Variants in ANO2 observed in about 807,000 individuals in gnomAD.
The protein encoded by ANO2 is anoctamin 2, also known as anoctamin-2.
A neutral mutation model predicts 124.2 loss-of-function variants in ANO2; 101 were observed. The observed-to-expected ratio is 0.81, with a 90% CI of 0.69 to 0.96. ANO2 has a LOEUF of 0.96. Among genes scored for constraint, ANO2 ranks in the 40% least tolerant of loss-of-function variants. ANO2 has a pLI of 0.00. For missense variants in ANO2, 1,293 were observed against 1,274.5 expected (o/e 1.01, Z -0.22); for synonymous variants, 486 against 482.5 (o/e 1.01, Z -0.09).
At chr12:5,909,616 T>C (rs1257207809) in intron 3 of ANO2, among the ~76,000 whole-genome samples, 24 of 152,208 alleles carry the variant, frequency 1.6e-4, no homozygotes, top group Admixed American at 1.6e-3. Context: ...CTAAACAACA[T>C]GCTTCCAAAG....
intron 16 of ANO2, among the ~76,000 whole-genome samples, chr12:5,632,685 C>T (rs1014733417): frequency 6.6e-6 from 1 of 152,080 alleles, no homozygotes; most frequent in Non-Finnish European, 1.5e-5. Context: ...GTTAAGGCCC[C>T]GCCTTGCATA....
At chr12:5,683,550 C>G (rs117947541) in intron 14 of ANO2, among the ~76,000 whole-genome samples, 1,702 of 152,172 alleles carry the variant, frequency 0.011, 14 homozygotes, top group Middle Eastern at 0.024. Context: ...CCACATACAC[C>G]GTATTTTTCT....
At chr12:5,892,079 A>G (rs891748360) in intron 3 of ANO2, among the ~76,000 whole-genome samples, 1 of 152,090 alleles carries the variant, frequency 6.6e-6, no homozygotes, top group Non-Finnish European at 1.5e-5. Flanking sequence ...AAAAAAAAAT[A>G]GAAGACATAA....
chr12:5,817,626 C>T (rs1953653208), intron 7 of ANO2, among the ~76,000 whole-genome samples: 1 of 152,034 alleles, frequency 6.6e-6, no homozygotes, highest in Non-Finnish European at 1.5e-5. Flanking sequence ...ACAGGCAGGA[C>T]ATTCAGGAAA....
intron 1 of ANO2, among the ~76,000 whole-genome samples, chr12:5,924,922 A>G (rs184724716): frequency 2.4e-4 from 37 of 152,270 alleles, no homozygotes; most frequent in African/African-American, 8.4e-4. Flanking sequence ...CCTGTCTCAG[A>G]TATTTTTTGG....
chr12:5,778,456 A>C (rs1952293387), intron 10 of ANO2, among the ~76,000 whole-genome samples: 1 of 152,242 alleles, frequency 6.6e-6, no homozygotes, highest in African/African-American at 2.4e-5. Context: ...AAATGAAAGA[A>C]TAAATGAACA....
intron 7 of ANO2, among the ~76,000 whole-genome samples, chr12:5,820,242 C>T (rs1315174021): frequency 3.9e-5 from 6 of 152,254 alleles, no homozygotes; most frequent in African/African-American, 1.4e-4. Flanking sequence ...AAGGAGACCT[C>T]CAGCCTTTTA....
At chr12:5,896,663 G>C (rs929803238) in intron 3 of ANO2, among the ~76,000 whole-genome samples, 10 of 152,278 alleles carry the variant, frequency 6.6e-5, no homozygotes, top group Middle Eastern at 3.4e-3. Flanking sequence ...TAAATTTACA[G>C]AAATAATTTT....
chr12:5,861,581 C>T (rs1408517147), intron 3 of ANO2, among the ~76,000 whole-genome samples: 2 of 152,156 alleles, frequency 1.3e-5, no homozygotes, highest in East Asian at 3.9e-4. Context: ...CACAGCCCTG[C>T]CAAGCCACCT....
chr12:5,652,642 G>A (rs762810966), intron 14 of ANO2, among the ~76,000 whole-genome samples: 4 of 152,002 alleles, frequency 2.6e-5, no homozygotes, highest in Non-Finnish European at 5.9e-5. Flanking sequence ...TACTGGTCAA[G>A]TATTTTGTAG....
At chr12:5,858,312 CTAAAAG>C (rs757643732) in intron 3 of ANO2, among the ~76,000 whole-genome samples, 47 of 152,054 alleles carry the variant, frequency 3.1e-4, no homozygotes, top group Non-Finnish European at 5.9e-4. Context: ...GTTACATCAA[CTAAAAG>C]TAAAAGGAAA....
At chr12:5,915,880 C>A (rs1455254661) in intron 3 of ANO2, among the ~76,000 whole-genome samples, 1 of 152,218 alleles carries the variant, frequency 6.6e-6, no homozygotes, top group Non-Finnish European at 1.5e-5. Context: ...CATTCTCGAT[C>A]CTTTTTTTCA....
intron 14 of ANO2, 130 bp from the exon 15 acceptor site, chr12:5,647,931 GCCTTA>G (rs1325966927): frequency 1.1e-5 from 8 of 706,450 alleles, no homozygotes; most frequent in African/African-American, 1.1e-4. Flanking sequence ...AGTCACTGAT[GCCTTA>G]CTCTCCATAT....
chr12:5,878,967 A>G (rs1239372399), intron 3 of ANO2, among the ~76,000 whole-genome samples: 1 of 152,218 alleles, frequency 6.6e-6, no homozygotes, highest in Non-Finnish European at 1.5e-5. Context: ...ATTTGGTTTG[A>G]AGAAAGAAAG....
intron 3 of ANO2, among the ~76,000 whole-genome samples, chr12:5,874,598 T>G (rs1223112176): frequency 6.6e-6 from 1 of 152,208 alleles, no homozygotes; most frequent in Non-Finnish European, 1.5e-5. Context: ...ACCTCTGGGC[T>G]CTCAGCTCTC....
At chr12:5,844,857 G>GT (rs1405186563) in intron 4 of ANO2, among the ~76,000 whole-genome samples, 8 of 151,116 alleles carry the variant, frequency 5.3e-5, no homozygotes, top group African/African-American at 2.4e-5. Flanking sequence ...TTGTTTGTTT[G>GT]TTTGTTTGTT....
Position 5,939,924 on chromosome 12 carries a change from G to A in ANO2, c.22+5272C>T, listed in dbSNP as rs1350746745. On this transcript the variant is annotated intron_variant, in intron 1 of 24. Coordinates refer to ENST00000682330, the MANE Select transcript of ANO2 (RefSeq NM_001364791.2). Reference sequence around the variant, plus strand: ...AGGCCTACCAAAAATGAAAAGCTTGGTGTAGCATGTTCACACCTTATATTG... The same window carrying A: ...AGGCCTACCAAAAATGAAAAGCTTGATGTAGCATGTTCACACCTTATATTG... 2.6e-5 allele frequency among the ~76,000 whole-genome samples: 4 copies of A among 152,234 alleles called. No homozygotes were observed. In the East Asian group the frequency reaches 7.7e-4, roughly 29 times the overall value.
chr12:5,833,699 G>A (rs751746321), intron 4 of ANO2, among the ~76,000 whole-genome samples: 9 of 152,072 alleles, frequency 5.9e-5, no homozygotes, highest in African/African-American at 1.2e-4. Flanking sequence ...TCATAGGAGC[G>A]TGAACCCTAT....
intron 7 of ANO2, among the ~76,000 whole-genome samples, chr12:5,816,750 A>G (rs555689444): frequency 6.6e-6 from 1 of 152,302 alleles, no homozygotes; most frequent in African/African-American, 2.4e-5. Context: ...AGAGACATAC[A>G]CATGGACATT....
Sources: gnomAD v4.1 joint callset for allele counts (sites outside exome capture counted in the v4.1 genomes callset) on GRCh38, gnomAD v4.1.1 for gene constraint, MANE v1.5 for transcripts, NCBI Gene and HGNC (gene_info 2026-07-23, HGNC 2026-07-21) for gene names.